Variants in LRP1B observed in about 807,000 individuals in gnomAD.
LRP1B encodes the protein low-density lipoprotein receptor-related protein 1B.
Under a neutral mutation model 556.6 loss-of-function variants are expected in LRP1B, and 217 were observed. The observed-to-expected ratio is 0.39, with a 90% confidence interval of 0.35 to 0.44. The LOEUF (loss-of-function observed/expected upper bound fraction) is 0.44, where lower values mean the gene tolerates loss of function less well. LRP1B is among the 20% of genes least tolerant of loss of function. LRP1B has a pLI of 1.00. For synonymous variants in LRP1B, 2,047 were observed against 1,865.8 expected (o/e 1.10, Z -2.50); for missense variants, 5,053 against 5,620.8 (o/e 0.90, Z 3.23).
At chr2:141,042,205 C>T (rs1698722457) in intron 11 of LRP1B, among the ~76,000 whole-genome samples, 1 of 152,070 alleles carries the variant, frequency 6.6e-6, no homozygotes, top group Non-Finnish European at 1.5e-5. Flanking sequence ...ACATCTCTCT[C>T]TGAAGCAAAA....
intron 83 of LRP1B, among the ~76,000 whole-genome samples, chr2:140,314,658 C>A (rs1684443342): frequency 6.6e-6 from 1 of 152,030 alleles, no homozygotes; most frequent in African/African-American, 2.4e-5. Flanking sequence ...GGAAAATTGG[C>A]TCTACTAATC....
rs371911820 is a variant in LRP1B, at chr2:141,528,072, C to G, written c.206-47539G>C. ...GGCCTCTGATATTTGACTCTGCCGG[C>G]TCAGTCATGACCTCTCACTATTTAC... On this transcript the variant is annotated intron_variant, in intron 2 of 90. Coordinates refer to ENST00000389484, the MANE Select transcript of LRP1B (RefSeq NM_018557.3). Among the ~76,000 whole-genome samples the G allele has an allele frequency of 9.2e-5, 14 of 151,898 alleles. No individual in the cohort carries two copies. The East Asian group carries it at 2.2e-3, about 23-fold the overall frequency.
chr2:141,412,658 A>T (rs1018330027), intron 3 of LRP1B, among the ~76,000 whole-genome samples: 2 of 152,198 alleles, frequency 1.3e-5, no homozygotes, highest in Non-Finnish European at 2.9e-5. Context: ...ACAATGCAAC[A>T]TATTTCCAAA....
intron 3 of LRP1B, among the ~76,000 whole-genome samples, chr2:141,289,406 AG>A (rs1486058618): frequency 6.1e-5 from 9 of 146,584 alleles, no homozygotes; most frequent in Middle Eastern, 3.5e-3. Flanking sequence ...AAAAAAAAAA[AG>A]GAATGCAAAT....
chr2:141,450,796 A>C (rs1355375236), intron 3 of LRP1B, among the ~76,000 whole-genome samples: 2 of 152,062 alleles, frequency 1.3e-5, no homozygotes, highest in East Asian at 3.9e-4. Context: ...TTCAGTGCTA[A>C]AATAGATATT....
At chr2:141,334,524 G>C (rs1687774931) in intron 3 of LRP1B, among the ~76,000 whole-genome samples, 1 of 152,176 alleles carries the variant, frequency 6.6e-6, no homozygotes, top group South Asian at 2.1e-4. Flanking sequence ...CCTTATAGTA[G>C]TGCAAGAACA....
intron 1 of LRP1B, among the ~76,000 whole-genome samples, chr2:141,855,528 T>G (rs891892146): frequency 2.3e-4 from 35 of 152,244 alleles, no homozygotes; most frequent in African/African-American, 8.4e-4. Flanking sequence ...AGGTGAGTGA[T>G]TTTCAGTGGT....
At chr2:141,508,186 C>T (rs1314246450) in intron 2 of LRP1B, among the ~76,000 whole-genome samples, 1 of 151,908 alleles carries the variant, frequency 6.6e-6, no homozygotes, top group East Asian at 1.9e-4. Flanking sequence ...TCCTTGAGAC[C>T]AAATTCCCCT....
At chr2:141,005,875 CT>C (rs1697559939) in intron 14 of LRP1B, among the ~76,000 whole-genome samples, 1 of 151,922 alleles carries the variant, frequency 6.6e-6, no homozygotes, top group Non-Finnish European at 1.5e-5. Flanking sequence ...GTAGGGTATT[CT>C]TTTCTCTTGT....
At chr2:141,187,143 C>T (rs1681296349) in intron 7 of LRP1B, among the ~76,000 whole-genome samples, 1 of 152,076 alleles carries the variant, frequency 6.6e-6, no homozygotes. Context: ...CTAAATACGA[C>T]TTCTTTTCCT....
rs79247470 is a variant in LRP1B, at chr2:141,137,688, G to A, written c.1013+50733C>T. On this transcript the variant is annotated intron_variant, in intron 7 of 90. Transcript: ENST00000389484. ...GGTCCTCCAGCATTTAAAAATATAT[G>A]TCACACATGCAATAATGATATTTTA... Among the ~76,000 whole-genome samples the A allele has an allele frequency of 2.6e-3, 394 of 151,918 alleles. 2 individuals carry two copies. Among genetic ancestry groups the A allele is most frequent in the Admixed American group, 0.015 (224 of 15,194 alleles).
At chr2:140,971,829 G>A (rs535509258) in intron 18 of LRP1B, among the ~76,000 whole-genome samples, 8 of 152,076 alleles carry the variant, frequency 5.3e-5, no homozygotes, top group African/African-American at 7.2e-5. Flanking sequence ...GAGAGACTCC[G>A]TCTCAAAAAA....
intron 7 of LRP1B, among the ~76,000 whole-genome samples, chr2:141,074,757 G>A (rs1189569780): frequency 6.6e-6 from 1 of 151,536 alleles, no homozygotes; most frequent in African/African-American, 2.4e-5. Context: ...ATAAAGATAA[G>A]GCCATTCTGG....
intron 2 of LRP1B, among the ~76,000 whole-genome samples, chr2:141,655,545 T>C (rs1337484676): frequency 1.3e-5 from 2 of 152,258 alleles, no homozygotes; most frequent in Admixed American, 6.5e-5. Context: ...CATGAGAATA[T>C]GCATTTAATA....
intron 2 of LRP1B, among the ~76,000 whole-genome samples, chr2:141,587,089 T>G (rs1354321507): frequency 6.6e-6 from 1 of 152,078 alleles, no homozygotes; most frequent in Non-Finnish European, 1.5e-5. Context: ...AATGTTTGCA[T>G]ATTGGAAAAA....
chr2:141,973,235 A>G (rs1326315304), intron 1 of LRP1B, among the ~76,000 whole-genome samples: 4 of 151,692 alleles, frequency 2.6e-5, no homozygotes, highest in Non-Finnish European at 5.9e-5. Context: ...AATAAAATGT[A>G]TTTTAATAAC....
intron 2 of LRP1B, among the ~76,000 whole-genome samples, chr2:141,744,782 T>C (rs1693852284): frequency 6.6e-6 from 1 of 152,096 alleles, no homozygotes; most frequent in South Asian, 2.1e-4. Flanking sequence ...CATTGAAGAG[T>C]TAGGTATTTA....
At chr2:142,115,586 T>C (rs1202221117) in intron 1 of LRP1B, among the ~76,000 whole-genome samples, 1 of 45,984 alleles carries the variant, frequency 2.2e-5, no homozygotes, top group Non-Finnish European at 3.9e-5. Flanking sequence ...ATATGTAATA[T>C]ATATATTATA....
intron 2 of LRP1B, among the ~76,000 whole-genome samples, chr2:141,711,926 C>G (rs775885643): frequency 6.7e-6 from 1 of 149,728 alleles, no homozygotes; most frequent in Non-Finnish European, 1.5e-5. Flanking sequence ...CTTTTTCTCT[C>G]TCTGTCATAA....
Sources: gnomAD v4.1 joint callset for allele counts (sites outside exome capture counted in the v4.1 genomes callset) on GRCh38, gnomAD v4.1.1 for gene constraint, MANE v1.5 for transcripts, NCBI Gene and HGNC (gene_info 2026-07-23, HGNC 2026-07-21) for gene names.